Variants in CSGALNACT1 observed in about 807,000 individuals in gnomAD.
CSGALNACT1 encodes chondroitin sulfate N-acetylgalactosaminyltransferase 1.
In CSGALNACT1, 52 loss-of-function variants were observed where a neutral mutation model predicts 51.0. The observed-to-expected ratio is 1.02, with a 90% CI of 0.82 to 1.29. The LOEUF (loss-of-function observed/expected upper bound fraction) is 1.29, where lower values mean the gene tolerates loss of function less well. Among genes scored for constraint, CSGALNACT1 ranks in the 50% most tolerant of loss-of-function variants. The pLI is 0.00. For synonymous variants in CSGALNACT1, 341 were observed against 254.4 expected (o/e 1.34, Z -3.24); for missense variants, 935 against 679.2 (o/e 1.38, Z -4.19).
At chr8:19,699,937 C>G (rs1005887960) in intron 1 of CSGALNACT1, among the ~76,000 whole-genome samples, 3 of 151,870 alleles carry the variant, frequency 2.0e-5, no homozygotes, top group African/African-American at 7.3e-5. Context: ...ATGATGAAAC[C>G]CTGTCTCTAC....
chr8:19,559,117 A>C (rs1454422333), intron 3 of CSGALNACT1, among the ~76,000 whole-genome samples: 1 of 152,190 alleles, frequency 6.6e-6, no homozygotes, highest in African/African-American at 2.4e-5. Context: ...GCTCTATTTT[A>C]ACAACAAAGA....
At chr8:19,670,126 TTCCTTCTTTCAATC>T (rs1229304349) in intron 1 of CSGALNACT1, among the ~76,000 whole-genome samples, 20 of 152,318 alleles carry the variant, frequency 1.3e-4, no homozygotes, top group Admixed American at 3.9e-4. Context: ...ATGCAACTTC[TTCCTTCTTTCAATC>T]TGTAATGTGG....
chr8:19,513,463 T>TA (rs1563834590), intron 3 of CSGALNACT1, among the ~76,000 whole-genome samples: 2 of 143,536 alleles, frequency 1.4e-5, no homozygotes, highest in South Asian at 2.2e-4. Context: ...TATATATATA[T>TA]TTTGTGCCAT....
At chr8:19,636,190 G>A (rs1020593528) in intron 1 of CSGALNACT1, among the ~76,000 whole-genome samples, 1 of 152,116 alleles carries the variant, frequency 6.6e-6, no homozygotes, top group African/African-American at 2.4e-5. Flanking sequence ...GGTATTTTGA[G>A]AGAGTTAGAG....
At chr8:19,433,595 G>C (rs573335117) in intron 6 of CSGALNACT1, among the ~76,000 whole-genome samples, 3 of 152,328 alleles carry the variant, frequency 2.0e-5, no homozygotes, top group African/African-American at 7.2e-5. Flanking sequence ...TGCATTGGAA[G>C]AGCTCTGAGT....
chr8:19,621,402 G>A (rs1417574821), intron 1 of CSGALNACT1, among the ~76,000 whole-genome samples: 1 of 152,044 alleles, frequency 6.6e-6, no homozygotes, highest in Non-Finnish European at 1.5e-5. Context: ...TACAATTATT[G>A]TATCTATAGA....
At chr8:19,616,051 A>G (rs893212346) in intron 1 of CSGALNACT1, among the ~76,000 whole-genome samples, 1 of 152,234 alleles carries the variant, frequency 6.6e-6, no homozygotes, top group South Asian at 2.1e-4. Context: ...AAGATTGAAT[A>G]AAATGCACCC....
intron 3 of CSGALNACT1, among the ~76,000 whole-genome samples, chr8:19,549,726 A>G (rs2087471958): frequency 7.3e-6 from 1 of 137,422 alleles, no homozygotes; most frequent in Admixed American, 8.0e-5. Context: ...GAAAGGGTGC[A>G]GAGGAGGCTA....
At chr8:19,610,589 C>G (rs1431190891) in intron 1 of CSGALNACT1, among the ~76,000 whole-genome samples, 1 of 152,162 alleles carries the variant, frequency 6.6e-6, no homozygotes, top group South Asian at 2.1e-4. Flanking sequence ...CAGGCGCCAG[C>G]AGGCCACCAA....
At chr8:19,529,736 A>G (rs1232472472) in intron 3 of CSGALNACT1, among the ~76,000 whole-genome samples, 4 of 152,140 alleles carry the variant, frequency 2.6e-5, no homozygotes, top group African/African-American at 9.7e-5. Context: ...CATGGATACT[A>G]AAATCCATGT....
upstream of CSGALNACT1, among the ~76,000 whole-genome samples, chr8:19,603,894 T>A (rs953979766): frequency 2.0e-5 from 3 of 152,184 alleles, no homozygotes; most frequent in African/African-American, 7.2e-5. Context: ...TAATTTGTAC[T>A]TTCTTACTCC....
At chr8:19,542,376 A>G (rs543817872) in intron 3 of CSGALNACT1, among the ~76,000 whole-genome samples, 79 of 152,300 alleles carry the variant, frequency 5.2e-4, no homozygotes, top group African/African-American at 1.8e-3. Context: ...ATTTCACAGA[A>G]GACTGGAACA....
intron 3 of CSGALNACT1, among the ~76,000 whole-genome samples, chr8:19,556,441 C>G (rs996615741): frequency 4.0e-5 from 6 of 151,738 alleles, no homozygotes; most frequent in Non-Finnish European, 7.4e-5. Context: ...AACATCTGTT[C>G]CTTTTATTTT....
chr8:19,461,503 A>T (rs571125195), intron 4 of CSGALNACT1, among the ~76,000 whole-genome samples: 1 of 152,122 alleles, frequency 6.6e-6, no homozygotes, highest in African/African-American at 2.4e-5. Flanking sequence ...CACAGCAGCC[A>T]CATTCACCAT....
At chr8:19,409,286 G>T (rs1433066179) in intron 8 of CSGALNACT1, among the ~76,000 whole-genome samples, 1 of 152,208 alleles carries the variant, frequency 6.6e-6, no homozygotes, top group Admixed American at 6.5e-5. Flanking sequence ...AAGGGCACTA[G>T]AAGTCCAGCT....
intron 9 of CSGALNACT1, among the ~76,000 whole-genome samples, chr8:19,407,567 A>AG (rs1210765673): frequency 6.6e-6 from 1 of 152,106 alleles, no homozygotes; most frequent in Non-Finnish European, 1.5e-5. Context: ...GGCATTTCCA[A>AG]GGGGGACAGG....
intron 4 of CSGALNACT1, among the ~76,000 whole-genome samples, chr8:19,492,554 T>C (rs11204048): frequency 0.78 from 118,384 of 152,158 alleles, 46,441 homozygotes; most frequent in East Asian, 0.85. Flanking sequence ...CCTGCCAACC[T>C]GGGCCAAGCC....
At chr8:19,604,534 G>A (rs914079920), upstream of CSGALNACT1, among the ~76,000 whole-genome samples, 1 of 152,120 alleles carries the variant, frequency 6.6e-6, no homozygotes, top group African/African-American at 2.4e-5. Context: ...CTCTACAAAG[G>A]AAAGCGAGCC....
At chr8:19,591,764 A>T (rs1316433326) in intron 2 of CSGALNACT1, among the ~76,000 whole-genome samples, 2 of 152,218 alleles carry the variant, frequency 1.3e-5, no homozygotes, top group Non-Finnish European at 2.9e-5. Context: ...CTCCACAAAA[A>T]AAAATGTAAA....
Sources: gnomAD v4.1 joint callset for allele counts (sites outside exome capture counted in the v4.1 genomes callset) on GRCh38, gnomAD v4.1.1 for gene constraint, MANE v1.5 for transcripts, NCBI Gene and HGNC (gene_info 2026-07-23, HGNC 2026-07-21) for gene names.